Variants in RBFOX1 observed in about 807,000 individuals in gnomAD.
RBFOX1 encodes RNA binding fox-1 homolog 1, also known as RNA binding protein fox-1 homolog 1.
RBFOX1 carries 8 observed loss-of-function variants against 57.7 expected under a neutral mutation model. That is an observed-to-expected ratio of 0.14 (90% CI 0.08 to 0.25). RBFOX1 has a LOEUF of 0.25. RBFOX1 is among the 10% of genes least tolerant of loss of function. The pLI, the probability that RBFOX1 is intolerant of heterozygous loss-of-function variation, is 1.00. For synonymous variants in RBFOX1, 326 were observed against 222.4 expected (o/e 1.47, Z -4.15); for missense variants, 611 against 548.5 (o/e 1.11, Z -1.14).
At chr16:5,991,393 C>T (rs1332054949) in intron 4 of RBFOX1, among the ~76,000 whole-genome samples, 5 of 152,160 alleles carry the variant, frequency 3.3e-5, no homozygotes, top group Non-Finnish European at 7.3e-5. Context: ...GCGCCGTGGG[C>T]TGTGAGCACG....
At chr16:6,786,080 T>A (rs1030943249) in intron 3 of RBFOX1, among the ~76,000 whole-genome samples, 1 of 152,194 alleles carries the variant, frequency 6.6e-6, no homozygotes, top group African/African-American at 2.4e-5. Flanking sequence ...AGAAGCCTGT[T>A]CAGGGCCTGG....
chr16:7,666,286 G>C (rs952914852), intron 13 of RBFOX1, among the ~76,000 whole-genome samples: 1 of 151,878 alleles, frequency 6.6e-6, no homozygotes, highest in Non-Finnish European at 1.5e-5. Flanking sequence ...TGGCATCGCA[G>C]AATTTAGGGC....
chr16:5,323,153 A>G (rs2064460963), intron 1 of RBFOX1, among the ~76,000 whole-genome samples: 1 of 152,242 alleles, frequency 6.6e-6, no homozygotes, highest in Non-Finnish European at 1.5e-5. Context: ...CAGTCTGGAC[A>G]TATGACAAAG....
intron 2 of RBFOX1, among the ~76,000 whole-genome samples, chr16:6,634,324 C>A (rs375651241): frequency 1.3e-5 from 2 of 151,934 alleles, no homozygotes; most frequent in Non-Finnish European, 2.9e-5. Flanking sequence ...TGAGTCAAAC[C>A]AATAAGGTTC....
At position 7,149,725 on chromosome 16, in the gene RBFOX1, T is replaced by C. The variant is rs181855336; in HGVS notation, c.27+97627T>C. Among the ~76,000 whole-genome samples the C allele has an allele frequency of 5.1e-4, 77 of 152,128 alleles. 1 individual carries two copies. The East Asian group carries it at 8.2e-3, about 16-fold the overall frequency. On this transcript the variant is annotated intron_variant, in intron 4 of 15. Transcript: ENST00000550418. ...CCAGGCTTATCCTCCTGTGGCTCTT[T>C]CCTTCCCTCTCTACACCCGCCTCTA...
intron 1 of RBFOX1, among the ~76,000 whole-genome samples, chr16:5,398,371 A>C (rs1332289186): frequency 4.0e-5 from 6 of 151,736 alleles, no homozygotes. Context: ...TTTAGTGTGC[A>C]TGTGCTTGTG....
intron 4 of RBFOX1, among the ~76,000 whole-genome samples, chr16:7,514,279 C>T (rs572660169): frequency 1.3e-5 from 2 of 152,182 alleles, no homozygotes; most frequent in Non-Finnish European, 2.9e-5. Context: ...GCCAGGTTTG[C>T]CTCATGAGTC....
chr16:6,197,273 C>CT (rs35147898), intron 1 of RBFOX1, among the ~76,000 whole-genome samples: 28 of 151,676 alleles, frequency 1.8e-4, no homozygotes, highest in Admixed American at 6.6e-4. Context: ...CAGTGTTTTT[C>CT]TTTTTTTTTC....
At chr16:6,469,499 A>G (rs1484663549) in intron 2 of RBFOX1, among the ~76,000 whole-genome samples, 1 of 152,178 alleles carries the variant, frequency 6.6e-6, no homozygotes, top group Non-Finnish European at 1.5e-5. Context: ...CACTATGCGA[A>G]AAAGAGTTAG....
At chr16:7,463,363 G>A (rs2059921174) in intron 4 of RBFOX1, among the ~76,000 whole-genome samples, 1 of 152,140 alleles carries the variant, frequency 6.6e-6, no homozygotes, top group South Asian at 2.1e-4. Flanking sequence ...AATTAGCTGG[G>A]TGTGATTGTG....
chr16:6,341,898 C>G (rs2084631930), intron 2 of RBFOX1, among the ~76,000 whole-genome samples: 1 of 152,186 alleles, frequency 6.6e-6, no homozygotes, highest in African/African-American at 2.4e-5. Context: ...TCTCGTGATT[C>G]CACTGAACCC....
chr16:6,604,929 A>G lies in RBFOX1; in HGVS notation c.-63-49674A>G, dbSNP rs1440937170. 3.3e-5 allele frequency among the ~76,000 whole-genome samples: 5 copies of G among 152,118 alleles called. No individual in the cohort carries two copies. In the South Asian group the frequency reaches 1.0e-3, roughly 31 times the overall value. On this transcript the variant is annotated intron_variant, in intron 2 of 15. Transcript: ENST00000550418. ...GGCAGGCAGGTTACTTGAGCCCAGA[A>G]TTTGAGACCAGCCTGGGCGACATGG...
intron 3 of RBFOX1, among the ~76,000 whole-genome samples, chr16:6,853,471 A>T (rs563145983): frequency 3.3e-5 from 5 of 152,146 alleles, no homozygotes; most frequent in South Asian, 4.2e-4. Context: ...CTGATGGAGG[A>T]TGGTGCCTAC....
intron 4 of RBFOX1, among the ~76,000 whole-genome samples, chr16:5,895,759 G>A (rs908887757): frequency 2.6e-5 from 4 of 152,142 alleles, no homozygotes; most frequent in South Asian, 2.1e-4. Flanking sequence ...CATGTCATGC[G>A]TCAGTCACCT....
intron 2 of RBFOX1, among the ~76,000 whole-genome samples, chr16:5,490,373 T>C (rs1246342168): frequency 6.6e-6 from 1 of 152,204 alleles, no homozygotes; most frequent in Non-Finnish European, 1.5e-5. Context: ...GGAGCTTTGC[T>C]CAGGGGCACC....
chr16:6,447,955 A>G (rs781455923), intron 2 of RBFOX1, among the ~76,000 whole-genome samples: 3 of 141,220 alleles, frequency 2.1e-5, no homozygotes, highest in South Asian at 2.3e-4. Context: ...CTGTGTTACA[A>G]TAACAAGATA....
intron 3 of RBFOX1, among the ~76,000 whole-genome samples, chr16:6,708,503 C>A (rs771886448): frequency 6.6e-6 from 1 of 152,156 alleles, no homozygotes; most frequent in Non-Finnish European, 1.5e-5. Context: ...ATTTTCATCA[C>A]GTTCCTCTTG....
rs141177823 is a variant in RBFOX1 at position 6,446,025 on chromosome 16, C to T, written c.-64+128968C>T. On this transcript the variant is annotated intron_variant, in intron 2 of 15. Transcript: ENST00000550418. The stretch of plus-strand genomic sequence containing the variant: ...TGTCATTCAGACTGGAGCGCACTGG[C>T]GTGATTATAGCTCACTTCAGCCTTC... 2.2e-3 allele frequency among the ~76,000 whole-genome samples: 333 copies of T among 152,054 alleles called. 2 individuals are homozygous for T. Among genetic ancestry groups the T allele is most frequent in the African/African-American group, 7.1e-3 (296 of 41,458 alleles).
chr16:5,423,776 C>T (rs557969819), intron 1 of RBFOX1, among the ~76,000 whole-genome samples: 6 of 152,130 alleles, frequency 3.9e-5, no homozygotes, highest in Non-Finnish European at 8.8e-5. Context: ...ATAAATCATC[C>T]TCTCCCTGTT....
Sources: allele counts gnomAD v4.1 joint callset (sites outside exome capture counted in the v4.1 genomes callset), GRCh38; gene constraint gnomAD v4.1.1; transcripts MANE v1.5; gene names NCBI Gene and HGNC (gene_info 2026-07-23, HGNC 2026-07-21).